The following A4GALT variants were observed in gnomAD, a reference collection of about 807,000 sequenced individuals.
The protein encoded by A4GALT is alpha 1,4-galactosyltransferase (P1PK blood group).
For synonymous variants in A4GALT, 257 were observed against 220.7 expected (o/e 1.16, Z -1.46); for missense variants, 512 against 486.0 (o/e 1.05, Z -0.50).
chr22:42,698,871 A>G (rs11090115), intron 1 of A4GALT, among the ~76,000 whole-genome samples: 39,144 of 152,116 alleles, frequency 0.26, 6,091 homozygotes, highest in South Asian at 0.4. Context: ...CAAAATGGCC[A>G]TAAGAGTGAC....
At chr22:42,714,274 CAAAAAAAAAA>C (rs1163088658) in intron 1 of A4GALT, among the ~76,000 whole-genome samples, 77 of 16,152 alleles carry the variant, frequency 4.8e-3, no homozygotes, top group Non-Finnish European at 8.2e-3. Context: ...GACTCTGTCT[CAAAAAAAAAA>C]AAAAAAAAAA....
At chr22:42,710,258 T>C (rs1184644759) in intron 1 of A4GALT, among the ~76,000 whole-genome samples, 1 of 152,068 alleles carries the variant, frequency 6.6e-6, no homozygotes, top group Non-Finnish European at 1.5e-5. Context: ...GATAAATAAT[T>C]GAAAAAGTAA....
chr22:42,709,477 A>G (rs1433383854), intron 1 of A4GALT, among the ~76,000 whole-genome samples: 1 of 152,222 alleles, frequency 6.6e-6, no homozygotes, highest in East Asian at 1.9e-4. Flanking sequence ...ATAAGCAAAT[A>G]GAATTCAGCA....
intron 1 of A4GALT, among the ~76,000 whole-genome samples, chr22:42,696,473 C>T (rs1930946626): frequency 6.6e-6 from 1 of 151,674 alleles, no homozygotes; most frequent in Admixed American, 6.6e-5. Context: ...GATGGTGACT[C>T]CCTTGGGGAG....
At chr22:42,703,562 G>A (rs1390621111) in intron 1 of A4GALT, among the ~76,000 whole-genome samples, 1 of 151,994 alleles carries the variant, frequency 6.6e-6, no homozygotes, top group Non-Finnish European at 1.5e-5. Flanking sequence ...CCTGCAATAA[G>A]GAGTGTTTTG....
chr22:42,709,514 G>A (rs1429770605), intron 1 of A4GALT, among the ~76,000 whole-genome samples: 1 of 152,114 alleles, frequency 6.6e-6, no homozygotes, highest in East Asian at 1.9e-4. Flanking sequence ...TGGAGGCCAA[G>A]TACGGTGGCT....
chr22:42,692,905 C>T lies in A4GALT; in HGVS notation c.1047G>A (p.Met349Ile). ...ARYCPTTHEA[M>I]KMYL ...GGCGGGCCCCTCACAAGTACATTTT[C>T]ATGGCCTCGTGCGTCGTGGGGCAGT... Residue 349 changes from methionine to isoleucine, a missense_variant, in exon 3 of 3, where the codon ATG becomes ATA. By Grantham distance (10) the Met-to-Ile change is conservative (BLOSUM62 1). Coordinates refer to ENST00000642412, the MANE Select transcript of A4GALT (RefSeq NM_017436.7). This position sits in a 1 kb window ranked among gnomAD's most constrained non-coding sequence, Gnocchi z 4.6. 1 of 1,603,286 alleles carries T rather than the reference C, an allele frequency of 6.2e-7. No individual in the cohort carries two copies. The highest frequency in any genetic ancestry group is 8.5e-7 in the Non-Finnish European group (1 of 1,179,756).
Position 42,693,698 on chromosome 22 carries a change from G to T in A4GALT, c.254C>A (p.Ser85Ter). The T allele has an allele frequency of 7.4e-7, 1 of 1,356,158 alleles. No individual in the cohort carries two copies. The allele number at this position is 1,356,158 out of a possible 1,614,324, so 84.0% of individuals were successfully genotyped here. Residue 85 changes from serine (S) to a stop codon, truncating the protein, a stop_gained, in exon 3 of 3, where the codon TCA becomes TAA. Coordinates refer to ENST00000642412, the MANE Select transcript of A4GALT (RefSeq NM_017436.7). LOFTEE classifies it low-confidence loss of function (END_TRUNC). ...CAGGAAGTTGGGGTTGGTCCGGTCT[G>T]AAGTCTCCAGGAAGAAGATGTTGCC... is the stretch of plus-strand genomic sequence containing the variant. ...TPGNIFFLET[S>*]DRTNPNFLFM...
At chr22:42,712,268 C>T (rs191636020) in intron 1 of A4GALT, among the ~76,000 whole-genome samples, 3 of 152,306 alleles carry the variant, frequency 2.0e-5, no homozygotes, top group East Asian at 1.9e-4. Flanking sequence ...ACCCCTCCAC[C>T]GGGTTTTATC....
At chr22:42,715,046 G>T (rs553250829) in intron 1 of A4GALT, among the ~76,000 whole-genome samples, 2 of 151,464 alleles carry the variant, frequency 1.3e-5, no homozygotes, top group Admixed American at 1.3e-4. Context: ...ATGTGGGGTG[G>T]GGGGGTTCCA....
At chr22:42,701,567 A>AG (rs1931304587) in intron 1 of A4GALT, among the ~76,000 whole-genome samples, 1 of 152,198 alleles carries the variant, frequency 6.6e-6, no homozygotes, top group Non-Finnish European at 1.5e-5. Context: ...GTGGAGGCAG[A>AG]GGGGTCATCT....
At chr22:42,718,064 A>C (rs1296015937) in intron 1 of A4GALT, among the ~76,000 whole-genome samples, 1 of 152,232 alleles carries the variant, frequency 6.6e-6, no homozygotes, top group Non-Finnish European at 1.5e-5. Flanking sequence ...GCAGAAATTC[A>C]ATGTAACATT....
rs575404990 is a variant in A4GALT at position 42,709,705 on chromosome 22, G to A, written c.-188+11092C>T. ...CTTAGGAGGCTGAGATACGAGAATC[G>A]CTTGAGCTTGCGAGGGACAGGTTGC... On this transcript the variant is annotated intron_variant, in intron 1 of 2. Transcript: ENST00000642412. Among the ~76,000 whole-genome samples, 11 of 152,094 alleles carry A rather than the reference G, an allele frequency of 7.2e-5. No individual in the cohort carries two copies. In the East Asian group the frequency reaches 1.4e-3, roughly 19 times the overall value.
At chr22:42,710,701 T>G (rs1372327951) in intron 1 of A4GALT, among the ~76,000 whole-genome samples, 13 of 44,056 alleles carry the variant, frequency 3.0e-4, no homozygotes, top group Non-Finnish European at 9.6e-4. Flanking sequence ...CAGCTCGAAA[T>G]AAATAAATAA....
At chr22:42,716,568 C>T (rs548132234) in intron 1 of A4GALT, among the ~76,000 whole-genome samples, 134 of 152,258 alleles carry the variant, frequency 8.8e-4, no homozygotes, top group Admixed American at 1.6e-3. Context: ...TGCTGGGCAG[C>T]GGCAGAGCGG....
chr22:42,693,633 C>G lies in A4GALT; in HGVS notation c.319G>C (p.Glu107Gln). Residue 107 changes from glutamate to glutamine, a missense_variant, in exon 3 of 3, where the codon GAA becomes CAA. Physicochemically the swap from Glu to Gln is conservative, Grantham distance 29. Coordinates refer to ENST00000642412, the MANE Select transcript of A4GALT (RefSeq NM_017436.7). Reference protein sequence around the residue: ...SVESAARTHPESHVLVLMKGL... With the variant: ...SVESAARTHPQSHVLVLMKGL... ...TTCATCAGGACCAGCACGTGGGATT[C>G]GGGGTGAGTTCTGGCGGCCGACTCC... The G allele has an allele frequency of 6.2e-7, 1 of 1,601,572 alleles. No individual in the cohort carries two copies. Among genetic ancestry groups the G allele is most frequent in the Non-Finnish European group, 8.5e-7 (1 of 1,173,896 alleles).
chr22:42,703,546 G>A (rs1156492877), intron 1 of A4GALT, among the ~76,000 whole-genome samples: 1 of 152,116 alleles, frequency 6.6e-6, no homozygotes, highest in Non-Finnish European at 1.5e-5. Context: ...GAGCCACTGT[G>A]CCCGGCCTGC....
At chr22:42,698,115 G>A (rs1250503702) in intron 1 of A4GALT, among the ~76,000 whole-genome samples, 1 of 152,204 alleles carries the variant, frequency 6.6e-6, no homozygotes. Context: ...TGGCATGATG[G>A]TGCACGCCTG....
In A4GALT at chr22:42,717,068, G is replaced by T. The variant is rs1922255346; in HGVS notation, c.-188+3729C>A. On this transcript the variant is annotated intron_variant, in intron 1 of 2. Transcript: ENST00000642412. ...GGGGAAGGTGTGTGGGCACAGGGGA[G>T]GGTATGTGGACACTGGTCTGGAAGG... 2.0e-5 allele frequency among the ~76,000 whole-genome samples: 3 copies of T among 152,144 alleles called. No homozygotes were observed. In the South Asian group the frequency reaches 6.2e-4, roughly 31 times the overall value.
Sources: gnomAD v4.1 joint callset for allele counts (sites outside exome capture counted in the v4.1 genomes callset) on GRCh38, gnomAD v4.1.1 for gene constraint, Gnocchi (gnomAD v3.1) non-coding constraint, MANE v1.5 for transcripts, NCBI Gene and HGNC (gene_info 2026-07-23, HGNC 2026-07-21) for gene names.